The following TSC1 variants were observed in gnomAD, a reference collection of about 807,000 sequenced individuals.
TSC1 encodes the protein TSC complex subunit 1.
A neutral mutation model predicts 124.3 loss-of-function variants in TSC1; 20 were observed. The ratio of observed to expected loss-of-function variants is 0.16; its 90% CI spans 0.11 to 0.23. The LOEUF (loss-of-function observed/expected upper bound fraction) is 0.23, where lower values mean the gene tolerates loss of function less well. TSC1 is among the 10% of genes least tolerant of loss of function. The pLI, the probability that TSC1 is intolerant of heterozygous loss-of-function variation, is 1.00. For synonymous variants in TSC1, 493 were observed against 539.1 expected (o/e 0.91, Z 1.19); for missense variants, 1,124 against 1,448.5 (o/e 0.78, Z 3.64).
intron 2 of TSC1, among the ~76,000 whole-genome samples, chr9:132,934,176 T>C (rs1031138880): frequency 9.9e-5 from 15 of 152,094 alleles, no homozygotes; most frequent in Non-Finnish European, 1.8e-4. Context: ...GAGCTGTCCA[T>C]GTACAAAGAC....
intron 18 of TSC1, 147 bp from the exon 19 acceptor site, chr9:132,901,846 T>G (rs887558122): frequency 7.4e-6 from 5 of 676,754 alleles, no homozygotes; most frequent in Non-Finnish European, 1.3e-5. Flanking sequence ...TGTCTTAGTT[T>G]TAAAAAGTAA....
In TSC1 at chr9:132,896,899, CTCA is replaced by C. The variant is rs368729348; in HGVS notation, c.2976-148_2976-146del. On this transcript the variant is annotated intron_variant, in intron 22 of 22. Coordinates refer to ENST00000298552, the MANE Select transcript of TSC1 (RefSeq NM_000368.5). The surrounding 1 kb of genome is among the most constrained non-coding windows in gnomAD (Gnocchi z 4.5). ...TTTTATAATACTGGACTCAAGAGAT[CTCA>C]TCAAGAGAAACCTAAATCACAACTA... The C allele has an allele frequency of 4.8e-5, 66 of 1,371,204 alleles. 1 individual carries two copies. In the African/African-American group the frequency reaches 6.1e-4, roughly 13 times the overall value. The allele number at this position is 1,371,204 out of a possible 1,614,324, so 84.9% of individuals were successfully genotyped here. A position where few individuals can be genotyped will look rare whatever the true frequency, so the allele number is the denominator to read the frequency against.
chr9:132,929,203 G>A (rs374435632), intron 2 of TSC1, among the ~76,000 whole-genome samples: 4 of 152,340 alleles, frequency 2.6e-5, no homozygotes, highest in East Asian at 3.9e-4. Flanking sequence ...ACTGATACCA[G>A]TCACAGCAAC....
chr9:132,933,635 T>C (rs1312214848), intron 2 of TSC1, among the ~76,000 whole-genome samples: 1 of 152,166 alleles, frequency 6.6e-6, no homozygotes, highest in Non-Finnish European at 1.5e-5. Context: ...TGTGTGCCAG[T>C]TGAGATGATA....
rs1031508405 is a variant in TSC1 at position 132,900,727 on chromosome 9, T to C, written c.2613A>G (p.Ser871=). The change falls in exon 20 of 23, where the codon TCA becomes TCG. Residue 871 remains serine (S), a synonymous_variant. Coordinates refer to ENST00000298552, the MANE Select transcript of TSC1 (RefSeq NM_000368.5). ...LYLEQLQNKH[S]DTTKEVEMMK... ...AGCCCTGGCATACCTTTGTGGTATC[T>C]GAGTGCTTGTTCTGCAGTTGTTCCA... 1.2e-6 allele frequency: 2 copies of C among 1,614,170 alleles called. No homozygotes were observed. Among genetic ancestry groups the C allele is most frequent in the Admixed American group, 1.7e-5 (1 of 60,028 alleles).
chr9:132,942,191 G>A (rs1847773808), intron 1 of TSC1: 1 of 152,088 alleles, frequency 6.6e-6, no homozygotes, highest in African/African-American at 2.4e-5. Context: ...CAAATAAAAG[G>A]CTACAAGCTA....
intron 1 of TSC1, among the ~76,000 whole-genome samples, chr9:132,935,530 G>C (rs1847413253): frequency 6.6e-6 from 1 of 152,220 alleles, no homozygotes; most frequent in Non-Finnish European, 1.5e-5. Flanking sequence ...AAGGCTTGTG[G>C]GGATTACATG....
chr9:132,944,770 G>T, upstream of TSC1: 1 of 396,666 alleles, frequency 2.5e-6, no homozygotes, highest in South Asian at 1.4e-4. Flanking sequence ...ACTCATAACT[G>T]ACGATGTGGG....
intron 8 of TSC1, among the ~76,000 whole-genome samples, chr9:132,916,648 TTG>T (rs1034573909): frequency 8.0e-4 from 122 of 152,374 alleles, no homozygotes; most frequent in African/African-American, 2.7e-3. Flanking sequence ...CCTCACTTTT[TTG>T]TGTGTCTATT....
Position 132,923,324 on chromosome 9 carries a change from A to G in TSC1, c.508+24T>C, listed in dbSNP as rs1051053807. 1.9e-6 allele frequency: 3 copies of G among 1,613,460 alleles called. No homozygotes were observed. The highest frequency in any genetic ancestry group is 1.3e-5 in the African/African-American group (1 of 75,018). ...GAAAGCATTCACCTCACAGGGCCCA[A>G]CAGGTATATGAGGAGATCTGTACCT... On this transcript the variant is annotated intron_variant, in intron 6 of 22. Coordinates refer to ENST00000298552, the MANE Select transcript of TSC1 (RefSeq NM_000368.5). The surrounding 1 kb of genome is among the most constrained non-coding windows in gnomAD (Gnocchi z 4.2).
At position 132,901,705 on chromosome 9, in the gene TSC1, CAA is replaced by C. The variant is rs1554814696; in HGVS notation, c.2392-8_2392-7del. On this transcript the variant is annotated splice_region_variant and splice_polypyrimidine_tract_variant and intron_variant, in intron 18 of 22. Coordinates refer to ENST00000298552, the MANE Select transcript of TSC1 (RefSeq NM_000368.5). ...CTGCAGTCCTCCAGCTTCGTCTGCC[CAA>C]AGAGACGTGGACATGAAGTTTGAGG... 2 of 1,613,522 alleles carry C rather than the reference CAA, an allele frequency of 1.2e-6. No homozygotes were observed.
chr9:132,914,992 A>G (rs1013624801), intron 8 of TSC1, among the ~76,000 whole-genome samples: 1 of 151,854 alleles, frequency 6.6e-6, no homozygotes, highest in Non-Finnish European at 1.5e-5. Context: ...CTGGGCAACA[A>G]AGTGAGACCA....
intron 8 of TSC1, among the ~76,000 whole-genome samples, chr9:132,913,780 T>C (rs1302078250): frequency 1.6e-4 from 21 of 129,176 alleles, no homozygotes; most frequent in African/African-American, 6.0e-4. Flanking sequence ...GAGCCGAGAT[T>C]ACGCCACTGC....
intron 10 of TSC1, 113 bp from the exon 11 acceptor site, chr9:132,911,226 G>T: frequency 1.1e-6 from 1 of 923,318 alleles, no homozygotes; most frequent in Non-Finnish European, 1.8e-6. Flanking sequence ...CTAGAAAAAG[G>T]CATCTTATTA....
chr9:132,931,808 C>T (rs1415009703), intron 2 of TSC1, among the ~76,000 whole-genome samples: 2 of 151,920 alleles, frequency 1.3e-5, no homozygotes, highest in African/African-American at 4.8e-5. Context: ...TGTTTTATAG[C>T]AGAAAAAAAG....
intron 1 of TSC1, among the ~76,000 whole-genome samples, chr9:132,940,545 T>C (rs1323538644): frequency 6.6e-6 from 1 of 152,162 alleles, no homozygotes; most frequent in African/African-American, 2.4e-5. Context: ...AAGCAGTTTA[T>C]CACAGTGGAA....
At chr9:132,938,520 G>T (rs1847578460) in intron 1 of TSC1, among the ~76,000 whole-genome samples, 1 of 152,134 alleles carries the variant, frequency 6.6e-6, no homozygotes, top group East Asian at 1.9e-4. Context: ...TAAGTATTTT[G>T]AGATGAAACA....
At chr9:132,911,426 G>A (rs372359511) in intron 10 of TSC1, 27 bp downstream of exon 10, 1 of 1,535,704 alleles carries the variant, frequency 6.5e-7, no homozygotes, top group South Asian at 1.1e-5. Flanking sequence ...GCAGAGGAGA[G>A]AGCAGGCACA....
Position 132,944,552 on chromosome 9 carries a change from C to T in TSC1, c.-153G>A, listed in dbSNP as rs751231310. ...ACACCCCCATACTCACCCACCGTCTCCTCCCCCTCAGCTGTTTACCTCACA... is the reference window on the plus strand; with the variant it reads ...ACACCCCCATACTCACCCACCGTCTTCTCCCCCTCAGCTGTTTACCTCACA... On this transcript the variant is annotated 5_prime_UTR_variant, in exon 1 of 23. Coordinates refer to ENST00000298552, the MANE Select transcript of TSC1 (RefSeq NM_000368.5). 4.3e-5 allele frequency: 17 copies of T among 398,662 alleles called. No individual in the cohort carries two copies. Among genetic ancestry groups the T allele is most frequent in the Non-Finnish European group, 7.1e-5 (16 of 226,204 alleles). 24.7% of individuals were successfully genotyped at this position (398,662 alleles called of 1,614,324 possible).
Sources: allele counts gnomAD v4.1 joint callset (sites outside exome capture counted in the v4.1 genomes callset), GRCh38; gene constraint gnomAD v4.1.1; non-coding constraint Gnocchi (gnomAD v3.1); transcripts MANE v1.5; gene names NCBI Gene and HGNC (gene_info 2026-07-23, HGNC 2026-07-21).